Variants in FGF18 observed in about 807,000 individuals in gnomAD.
FGF18 encodes fibroblast growth factor 18.
A neutral mutation model predicts 23.0 loss-of-function variants in FGF18; 5 were observed. The observed-to-expected ratio is 0.22, with a 90% CI of 0.11 to 0.46. The LOEUF (loss-of-function observed/expected upper bound fraction) is 0.46. Among genes scored for constraint, FGF18 ranks in the 20% least tolerant of loss-of-function variants. The pLI, the probability that FGF18 is intolerant of heterozygous loss-of-function variation, is 0.99. For missense variants in FGF18, 180 were observed against 291.6 expected (o/e 0.62, Z 2.79); for synonymous variants, 117 against 118.9 (o/e 0.98, Z 0.10).
rs1486798441 is a variant in FGF18, at chr5:171,420,145, C to G, written c.-55C>G. 3 of 1,374,894 alleles carry G rather than the reference C, an allele frequency of 2.2e-6. No homozygotes were observed. The highest frequency in any genetic ancestry group is 3.0e-5 in the African/African-American group (2 of 66,226). 85.2% of individuals were successfully genotyped at this position (1,374,894 alleles called of 1,614,324 possible). On this transcript the variant is annotated 5_prime_UTR_variant, in exon 1 of 5. Transcript: ENST00000274625. ...GCGGAGGCGCCCGGTCCCGGCCGCG[C>G]GGAGCGGACATGTGCAGGCTGGGCT... is the stretch of plus-strand genomic sequence containing the variant.
At chr5:171,454,624 G>A (rs1016397288) in intron 4 of FGF18, among the ~76,000 whole-genome samples, 6 of 152,170 alleles carry the variant, frequency 3.9e-5, no homozygotes, top group African/African-American at 1.2e-4. Flanking sequence ...CACTTTGTCT[G>A]GAGGGCCCAA....
At chr5:171,427,753 A>C (rs77876641) in intron 2 of FGF18, among the ~76,000 whole-genome samples, 13,957 of 152,260 alleles carry the variant, frequency 0.092, 966 homozygotes, top group African/African-American at 0.17. Flanking sequence ...TTTCCTTCCA[A>C]GTGTTCCCCA....
rs1772500025 is a variant in FGF18, at chr5:171,451,077, T to TCCCG, written c.357+1830_357+1833dup. The stretch of plus-strand genomic sequence containing the variant: ...CCCCCCCACCCCGCCGCCGGCCGCC[T>TCCCG]CCCGCCCGCGGGCGAGCCGCTGAGT... On this transcript the variant is annotated intron_variant, in intron 4 of 4. Coordinates refer to ENST00000274625, the MANE Select transcript of FGF18 (RefSeq NM_003862.3). The surrounding 1 kb of genome is among the most constrained non-coding windows in gnomAD (Gnocchi z 4.5). Among the ~76,000 whole-genome samples the TCCCG allele has an allele frequency of 2.7e-5, 1 of 36,590 alleles. No individual in the cohort carries two copies. Among genetic ancestry groups the TCCCG allele is most frequent in the Non-Finnish European group, 5.5e-5 (1 of 18,134 alleles). 24.0% of individuals were successfully genotyped at this position (36,590 alleles called of 152,430 possible).
intron 2 of FGF18, among the ~76,000 whole-genome samples, chr5:171,427,220 A>G (rs942927869): frequency 1.5e-4 from 23 of 152,272 alleles, no homozygotes; most frequent in Middle Eastern, 3.4e-3. Flanking sequence ...AAAAAAAAAA[A>G]AGAGAAATAC....
rs563811393 is a variant in FGF18 at position 171,426,515 on chromosome 5, T to A, written c.69+6072T>A. On this transcript the variant is annotated intron_variant, in intron 2 of 4. Coordinates refer to ENST00000274625, the MANE Select transcript of FGF18 (RefSeq NM_003862.3). ...GGATTTATTCTGAAACTGCAGCAGG[T>A]CAGGAGGCCCCGTGGGCTTTGGTCC... Among the ~76,000 whole-genome samples, 3 of 152,344 alleles carry A rather than the reference T, an allele frequency of 2.0e-5. No individual in the cohort carries two copies. The South Asian group carries it at 6.2e-4, about 32-fold the overall frequency.
At chr5:171,430,416 G>A (rs1772162914) in intron 2 of FGF18, among the ~76,000 whole-genome samples, 2 of 151,660 alleles carry the variant, frequency 1.3e-5, no homozygotes, top group East Asian at 1.9e-4. Flanking sequence ...CATTACATAG[G>A]AAGACATCCC....
In FGF18 at chr5:171,451,641, C is replaced by T. The variant is rs907311917; in HGVS notation, c.357+2388C>T. Among the ~76,000 whole-genome samples, 7 of 152,256 alleles carry T rather than the reference C, an allele frequency of 4.6e-5. No individual in the cohort carries two copies. In the East Asian group the frequency reaches 1.4e-3, roughly 29 times the overall value. Reference sequence around the variant, plus strand: ...AGGGCGGCACATGACCTGCCCTCCACCCCCACCCAGCTCCAAACCCATCCA... The same window carrying T: ...AGGGCGGCACATGACCTGCCCTCCATCCCCACCCAGCTCCAAACCCATCCA... On this transcript the variant is annotated intron_variant, in intron 4 of 4. Transcript: ENST00000274625. This position sits in a 1 kb window ranked among gnomAD's most constrained non-coding sequence, Gnocchi z 4.5.
chr5:171,436,075 G>A lies in FGF18; in HGVS notation c.70-18G>A, dbSNP rs1772240092. 2.6e-6 allele frequency: 4 copies of A among 1,518,876 alleles called. No individual in the cohort carries two copies. The highest frequency in any genetic ancestry group is 3.5e-6 in the Non-Finnish European group (4 of 1,126,818). The allele number at this position is 1,518,876 out of a possible 1,614,324, so 94.1% of individuals were successfully genotyped here. A position where few individuals can be genotyped will look rare whatever the true frequency, so the allele number is the denominator to read the frequency against. On this transcript the variant is annotated intron_variant, in intron 2 of 4. Coordinates refer to ENST00000274625, the MANE Select transcript of FGF18 (RefSeq NM_003862.3). This position sits in a 1 kb window ranked among gnomAD's most constrained non-coding sequence, Gnocchi z 4.4. ...TGGGACATCTGGGGTGGCTTACTGT[G>A]TCCTTTTCCCTGCCCAGGTGCTGGT...
chr5:171,420,029 C>T lies in FGF18; in HGVS notation c.-171C>T. On this transcript the variant is annotated 5_prime_UTR_variant, in exon 1 of 5. Transcript: ENST00000274625. ...CGCGGGGCGCTGATGCCGCAGGGCG[C>T]GCCGCGGAGCGCCCCGGAGCAGCAG... The T allele has an allele frequency of 3.0e-6, 1 of 330,816 alleles. No individual in the cohort carries two copies. Among genetic ancestry groups the T allele is most frequent in the Non-Finnish European group, 5.0e-6 (1 of 200,176 alleles). 20.5% of individuals were successfully genotyped at this position (330,816 alleles called of 1,614,324 possible).
chr5:171,449,229 C>T lies in FGF18; in HGVS notation c.333C>T (p.Asn111=). 1.1e-5 allele frequency: 17 copies of T among 1,613,968 alleles called. No individual in the cohort carries two copies. Among genetic ancestry groups the T allele is most frequent in the Non-Finnish European group, 1.4e-5 (17 of 1,179,886 alleles). ...AGACGGAATTCTACCTGTGCATGAA[C>T]CGCAAAGGCAAGCTCGTGGGGAAGG... is the stretch of plus-strand genomic sequence containing the variant. The part of the protein sequence containing the change: ...GKETEFYLCM[N]RKGKLVGKPD... Residue 111 remains asparagine, a synonymous_variant, in exon 4 of 5, where the codon AAC becomes AAT. Transcript: ENST00000274625.
chr5:171,445,898 C>T (rs966502632), intron 3 of FGF18, among the ~76,000 whole-genome samples: 3 of 152,180 alleles, frequency 2.0e-5, no homozygotes, highest in Non-Finnish European at 4.4e-5. Context: ...AGGTTTCCAG[C>T]TCTTGAGAGC....
intron 2 of FGF18, 118 bp from the exon 3 acceptor site, chr5:171,435,975 G>T: frequency 1.3e-6 from 1 of 773,400 alleles, no homozygotes; most frequent in Non-Finnish European, 1.9e-6. Flanking sequence ...GTGTGCCACG[G>T]CCTGGCTCAG....
rs2113371066 is a variant in FGF18, at chr5:171,456,869, G to A, written c.*64G>A. 1 of 1,519,602 alleles carries A rather than the reference G, an allele frequency of 6.6e-7. No individual in the cohort carries two copies. Among genetic ancestry groups the A allele is most frequent in the East Asian group, 2.3e-5 (1 of 43,962 alleles). The allele number at this position is 1,519,602 out of a possible 1,614,324, so 94.1% of individuals were successfully genotyped here. A position where few individuals can be genotyped will look rare whatever the true frequency, so the allele number is the denominator to read the frequency against. ...CTCACACTCCCAGAAAACTGCATCAGAGGAATATTTTTACATGAAAAATAA... is the reference window on the plus strand; with the variant it reads ...CTCACACTCCCAGAAAACTGCATCAAAGGAATATTTTTACATGAAAAATAA... On this transcript the variant is annotated 3_prime_UTR_variant, in exon 5 of 5. Transcript: ENST00000274625. The surrounding 1 kb of genome is among the most constrained non-coding windows in gnomAD (Gnocchi z 6.1).
At chr5:171,425,570 G>GC (rs1024072148) in intron 2 of FGF18, among the ~76,000 whole-genome samples, 3 of 126,706 alleles carry the variant, frequency 2.4e-5, no homozygotes, top group African/African-American at 8.9e-5. Flanking sequence ...TCGCCCTGTT[G>GC]CCCAGGCTGG....
intron 2 of FGF18, among the ~76,000 whole-genome samples, chr5:171,427,336 AT>A (rs1244094311): frequency 1.3e-5 from 2 of 152,254 alleles, no homozygotes; most frequent in Non-Finnish European, 2.9e-5. Context: ...TAATTGTTCA[AT>A]CAATTATATT....
In FGF18 at chr5:171,438,099, C is replaced by CT. The variant is rs372013681; in HGVS notation, c.250+1843dup. 4.5e-3 allele frequency among the ~76,000 whole-genome samples: 615 copies of CT among 135,656 alleles called. 5 individuals carry two copies. Among genetic ancestry groups the CT allele is most frequent in the Middle Eastern group, 0.016 (4 of 256 alleles). The allele number at this position is 135,656 out of a possible 152,430, so 89.0% of individuals were successfully genotyped here. A position where few individuals can be genotyped will look rare whatever the true frequency, so the allele number is the denominator to read the frequency against. ...ACGCAGTGCTTCTTCTTTTTCTTTT[C>CT]TTTTTTTTTTTTTTTTTGAGACAGT... On this transcript the variant is annotated intron_variant, in intron 3 of 4. Coordinates refer to ENST00000274625, the MANE Select transcript of FGF18 (RefSeq NM_003862.3).
Position 171,443,500 on chromosome 5 carries a change from CATTTTT to C in FGF18, c.251-5646_251-5641del, listed in dbSNP as rs1302230334. ...TCAGATAAGTATTCACTGTTATCAT[CATTTTT>C]TTTTTTTTTTTTTTTTTTTTTTTTT... On this transcript the variant is annotated intron_variant, in intron 3 of 4. Coordinates refer to ENST00000274625, the MANE Select transcript of FGF18 (RefSeq NM_003862.3). Among the ~76,000 whole-genome samples the C allele has an allele frequency of 3.3e-4, 23 of 70,466 alleles. 3 individuals carry two copies. The highest frequency in any genetic ancestry group is 7.6e-4 in the African/African-American group (18 of 23,722). The allele number at this position is 70,466 out of a possible 152,430, so 46.2% of individuals were successfully genotyped here.
chr5:171,425,487 C>T (rs904105368), intron 2 of FGF18, among the ~76,000 whole-genome samples: 16 of 148,098 alleles, frequency 1.1e-4, no homozygotes, highest in African/African-American at 3.7e-4. Flanking sequence ...TCCCAAAGTG[C>T]TGGGATTACT....
rs533663241 is a variant in FGF18, at chr5:171,433,649, T to C, written c.70-2444T>C. The stretch of plus-strand genomic sequence containing the variant: ...TGTGGCTGCTGAGGGCTGGGGGAAG[T>C]GAAGAGGAGGCACACATGGTGGGCC... On this transcript the variant is annotated intron_variant, in intron 2 of 4. Transcript: ENST00000274625. Among the ~76,000 whole-genome samples the C allele has an allele frequency of 7.9e-5, 12 of 152,146 alleles. 1 individual carries two copies. In the South Asian group the frequency reaches 2.5e-3, roughly 32 times the overall value.
Sources: allele counts gnomAD v4.1 joint callset (sites outside exome capture counted in the v4.1 genomes callset), GRCh38; gene constraint gnomAD v4.1.1; non-coding constraint Gnocchi (gnomAD v3.1); transcripts MANE v1.5; gene names NCBI Gene and HGNC (gene_info 2026-07-23, HGNC 2026-07-21).